The following KCTD17 variants were observed in gnomAD, a reference collection of about 807,000 sequenced individuals.
KCTD17 encodes the protein BTB/POZ domain-containing protein KCTD17.
In KCTD17, 20 loss-of-function variants were observed where a neutral mutation model predicts 41.5. The ratio of observed to expected loss-of-function variants is 0.48; its 90% confidence interval spans 0.34 to 0.70. The LOEUF (loss-of-function observed/expected upper bound fraction) is 0.70. Among genes scored for constraint, KCTD17 ranks in the 30% least tolerant of loss-of-function variants. KCTD17 has a pLI of 0.01. For missense variants in KCTD17, 317 were observed against 427.2 expected (o/e 0.74, Z 2.27); for synonymous variants, 156 against 173.8 (o/e 0.90, Z 0.80).
intron 1 of KCTD17, chr22:37,052,181 T>A: frequency 1.9e-6 from 1 of 521,958 alleles, no homozygotes; most frequent in Non-Finnish European, 3.2e-6. Flanking sequence ...TTAGAAGCTC[T>A]CCAGCCGCCC....
At position 37,053,587 on chromosome 22, in the gene KCTD17, G is replaced by C. The variant is rs1924748133; in HGVS notation, c.298+379G>C. 6.6e-6 allele frequency among the ~76,000 whole-genome samples: 1 copy of C among 152,194 alleles called. No homozygotes were observed. The highest frequency in any genetic ancestry group is 1.5e-5 in the Non-Finnish European group (1 of 68,036). ...CAGGAATGCAGTGTTGACAGGCATGGGGAGAGCTCTGTCTCTCTTTCTCTG... is the reference window on the plus strand; with the variant it reads ...CAGGAATGCAGTGTTGACAGGCATGCGGAGAGCTCTGTCTCTCTTTCTCTG... On this transcript the variant is annotated intron_variant, in intron 2 of 8. Transcript: ENST00000403888. This position sits in a 1 kb window ranked among gnomAD's most constrained non-coding sequence, Gnocchi z 4.1.
chr22:37,061,439 C>G lies in KCTD17; in HGVS notation c.785-100C>G. ...GGGGCGCAGCTGCACCTCCTCTGTG[C>G]CCACTAACCCTGCCGGGCACCTCTG... On this transcript the variant is annotated intron_variant, in intron 7 of 8. Coordinates refer to ENST00000403888, the MANE Select transcript of KCTD17 (RefSeq NM_001282684.2). This position sits in a 1 kb window ranked among gnomAD's most constrained non-coding sequence, Gnocchi z 6.6. The G allele has an allele frequency of 6.7e-7, 1 of 1,498,884 alleles. No homozygotes were observed. Among genetic ancestry groups the G allele is most frequent in the South Asian group, 1.3e-5 (1 of 77,166 alleles). 92.8% of individuals were successfully genotyped at this position (1,498,884 alleles called of 1,614,324 possible).
At chr22:37,058,750 GGT>G (rs1172116833) in intron 4 of KCTD17, among the ~76,000 whole-genome samples, 1 of 152,206 alleles carries the variant, frequency 6.6e-6, no homozygotes, top group Non-Finnish European at 1.5e-5. Context: ...AGAGCCTCTG[GGT>G]GTCTTTGGCA....
chr22:37,060,191 A>C (rs1321169609), intron 5 of KCTD17, among the ~76,000 whole-genome samples: 1 of 152,186 alleles, frequency 6.6e-6, no homozygotes, highest in Non-Finnish European at 1.5e-5. Context: ...GCTGGGAAGA[A>C]GGCAGGCTGC....
chr22:37,062,844 G>T lies in KCTD17; in HGVS notation c.*250G>T. The T allele has an allele frequency of 1.3e-6, 1 of 746,528 alleles. No homozygotes were observed. The highest frequency in any genetic ancestry group is 2.1e-6 in the Non-Finnish European group (1 of 485,852). The allele number at this position is 746,528 out of a possible 1,614,324, so 46.2% of individuals were successfully genotyped here. A position where few individuals can be genotyped will look rare whatever the true frequency, so the allele number is the denominator to read the frequency against. ...CCGGCACCTGCGTCCCCTCTCCCGG[G>T]CTCCCCTGCTGCATGGTGGATGTGC... On this transcript the variant is annotated 3_prime_UTR_variant, in exon 9 of 9. Coordinates refer to ENST00000403888, the MANE Select transcript of KCTD17 (RefSeq NM_001282684.2).
At chr22:37,059,177 C>T (rs1371361331) in intron 4 of KCTD17, 136 bp from the exon 5 acceptor site, 8 of 1,230,292 alleles carry the variant, frequency 6.5e-6, no homozygotes, top group African/African-American at 1.5e-5. Context: ...CCTCTACAAA[C>T]CCAGGAGTGG....
At position 37,061,248 on chromosome 22, in the gene KCTD17, C is replaced by G; in HGVS notation, c.784+73C>G. On this transcript the variant is annotated intron_variant, in intron 7 of 8. Transcript: ENST00000403888. The surrounding 1 kb of genome is among the most constrained non-coding windows in gnomAD (Gnocchi z 6.6). ...GCACCCTGCCTCTTCCCTCTCTGCC[C>G]CTGTCCGGGTTTTCTCTCTGCCTGC... 1 of 1,545,800 alleles carries G rather than the reference C, an allele frequency of 6.5e-7. No individual in the cohort carries two copies. The highest frequency in any genetic ancestry group is 1.2e-5 in the South Asian group (1 of 84,028).
Position 37,061,327 on chromosome 22 carries a change from A to T in KCTD17, c.784+152A>T. ...TCCCAGCCTCCCGTGCCCTCCACCC[A>T]GGCCCCCTGGCCCTGCATCCCAGAG... On this transcript the variant is annotated intron_variant, in intron 7 of 8. Transcript: ENST00000403888. This position sits in a 1 kb window ranked among gnomAD's most constrained non-coding sequence, Gnocchi z 6.6. 6.7e-7 allele frequency: 1 copy of T among 1,496,608 alleles called. No homozygotes were observed. Among genetic ancestry groups the T allele is most frequent in the Non-Finnish European group, 8.9e-7 (1 of 1,124,620 alleles). 92.7% of individuals were successfully genotyped at this position (1,496,608 alleles called of 1,614,324 possible). A position where few individuals can be genotyped will look rare whatever the true frequency, so the allele number is the denominator to read the frequency against.
chr22:37,052,281 G>C, intron 1 of KCTD17: 1 of 384,176 alleles, frequency 2.6e-6, no homozygotes, highest in South Asian at 2.3e-5. Context: ...CCTGCTCTGG[G>C]GAAGGAGTCG....
chr22:37,057,217 G>T (rs1168776856), intron 3 of KCTD17, among the ~76,000 whole-genome samples, 181 bp from the exon 4 acceptor site: 1 of 152,178 alleles, frequency 6.6e-6, no homozygotes, highest in Non-Finnish European at 1.5e-5. Context: ...ATGGTGCCTG[G>T]TAAATGCCTG....
In KCTD17 at chr22:37,063,010, C is replaced by T. The variant is rs148425103; in HGVS notation, c.*416C>T. 926 of 181,208 alleles carry T rather than the reference C, an allele frequency of 5.1e-3. 14 individuals carry two copies. Among genetic ancestry groups the T allele is most frequent in the African/African-American group, 0.021 (885 of 42,526 alleles). The allele number at this position is 181,208 out of a possible 1,614,324, so 11.2% of individuals were successfully genotyped here. ...AGGCCCTCAGGCAGTATATAGGGGCCGCCCACCTTCAGCTGCCCTGGGATG... is the reference window on the plus strand; with the variant it reads ...AGGCCCTCAGGCAGTATATAGGGGCTGCCCACCTTCAGCTGCCCTGGGATG... On this transcript the variant is annotated 3_prime_UTR_variant, in exon 9 of 9. Transcript: ENST00000403888. This position sits in a 1 kb window ranked among gnomAD's most constrained non-coding sequence, Gnocchi z 4.6.
intron 8 of KCTD17, chr22:37,062,164 C>T: frequency 1.0e-6 from 1 of 985,406 alleles, no homozygotes; most frequent in Non-Finnish European, 1.2e-6. Flanking sequence ...GCTTCTTTCG[C>T]CTGGGGCATC....
rs776692919 is a variant in KCTD17, at chr22:37,053,732, G to C, written c.298+524G>C. On this transcript the variant is annotated intron_variant, in intron 2 of 8. Coordinates refer to ENST00000403888, the MANE Select transcript of KCTD17 (RefSeq NM_001282684.2). This position sits in a 1 kb window ranked among gnomAD's most constrained non-coding sequence, Gnocchi z 4.1. ...GCTGGCTGTGGGTGGAGGCAGGAGA[G>C]GGGGGAGTCTGCTTCCCAGTGGGGC... Among the ~76,000 whole-genome samples the C allele has an allele frequency of 1.1e-4, 17 of 152,142 alleles. No individual in the cohort carries two copies. Among genetic ancestry groups the C allele is most frequent in the African/African-American group, 2.7e-4 (11 of 41,400 alleles).
In KCTD17 at chr22:37,053,508, C is replaced by G. The variant is rs1924737619; in HGVS notation, c.298+300C>G. 6.6e-6 allele frequency among the ~76,000 whole-genome samples: 1 copy of G among 152,226 alleles called. No homozygotes were observed. The highest frequency in any genetic ancestry group is 2.4e-5 in the African/African-American group (1 of 41,468). Reference sequence around the variant, plus strand: ...TGCTGTGGGCTGTGACGCCCTTTCTCTCTGGCCTCCTAGGAAGCCAGGTGT... The same window carrying G: ...TGCTGTGGGCTGTGACGCCCTTTCTGTCTGGCCTCCTAGGAAGCCAGGTGT... On this transcript the variant is annotated intron_variant, in intron 2 of 8. Transcript: ENST00000403888. This position sits in a 1 kb window ranked among gnomAD's most constrained non-coding sequence, Gnocchi z 4.1.
chr22:37,061,052 T>A lies in KCTD17; in HGVS notation c.713-52T>A. 1 of 1,551,314 alleles carries A rather than the reference T, an allele frequency of 6.4e-7. No homozygotes were observed. ...GGGCACCAGGGTTAGCTCAGCCACT[T>A]GCCTGGCGCCTCACCCGCATAACCA... On this transcript the variant is annotated intron_variant, in intron 6 of 8. Transcript: ENST00000403888. The surrounding 1 kb of genome is among the most constrained non-coding windows in gnomAD (Gnocchi z 6.6).
At chr22:37,056,603 G>C (rs887181942) in intron 3 of KCTD17, among the ~76,000 whole-genome samples, 192 bp downstream of exon 3, 2 of 152,142 alleles carry the variant, frequency 1.3e-5, no homozygotes, top group Admixed American at 1.3e-4. Context: ...ACTCGGAGAC[G>C]GACACTGGGG....
Position 37,062,929 on chromosome 22 carries a change from AC to A in KCTD17, c.*339del. The A allele has an allele frequency of 5.9e-6, 2 of 340,354 alleles. No homozygotes were observed. Among genetic ancestry groups the A allele is most frequent in the East Asian group, 6.0e-5 (1 of 16,724 alleles). 21.1% of individuals were successfully genotyped at this position (340,354 alleles called of 1,614,324 possible). Reference sequence around the variant, plus strand: ...CTTAGTCCAGGGGGTCACTCCTCCCACCCCACCTACCTCACAGGGTTGTTGT... The same window carrying A: ...CTTAGTCCAGGGGGTCACTCCTCCCACCCACCTACCTCACAGGGTTGTTGT... On this transcript the variant is annotated 3_prime_UTR_variant, in exon 9 of 9. Coordinates refer to ENST00000403888, the MANE Select transcript of KCTD17 (RefSeq NM_001282684.2).
chr22:37,061,288 C>T lies in KCTD17; in HGVS notation c.784+113C>T, dbSNP rs976095533. ...TCTCTGCCTGCTCACGCCTCCATCC[C>T]GGGTCTGCCCTGGTCCCAGCCTCCC... On this transcript the variant is annotated intron_variant, in intron 7 of 8. Coordinates refer to ENST00000403888, the MANE Select transcript of KCTD17 (RefSeq NM_001282684.2). The surrounding 1 kb of genome is among the most constrained non-coding windows in gnomAD (Gnocchi z 6.6). 23 of 1,531,140 alleles carry T rather than the reference C, an allele frequency of 1.5e-5. No individual in the cohort carries two copies. Among genetic ancestry groups the T allele is most frequent in the East Asian group, 4.9e-5 (2 of 40,912 alleles). The allele number at this position is 1,531,140 out of a possible 1,614,324, so 94.8% of individuals were successfully genotyped here. A position where few individuals can be genotyped will look rare whatever the true frequency, so the allele number is the denominator to read the frequency against.
rs35901190 is a variant in KCTD17 at position 37,056,357 on chromosome 22, G to A, written c.336G>A (p.Pro112=). The change falls in exon 3 of 9, where the codon CCG becomes CCA. Residue 112 remains proline (P), a synonymous_variant. Coordinates refer to ENST00000403888, the MANE Select transcript of KCTD17 (RefSeq NM_001282684.2). ...AAGCCGAGTTCTACAACATCGGCCC[G>A]CTGATCCGCATCATCAAAGACCGGA... The part of the protein sequence containing the change: ...LEEAEFYNIG[P]LIRIIKDRME... The A allele has an allele frequency of 5.3e-4, 852 of 1,613,614 alleles. 7 individuals are homozygous for A. The African/African-American group carries it at 0.01, about 19-fold the overall frequency.
Sources: gnomAD v4.1 joint callset for allele counts (sites outside exome capture counted in the v4.1 genomes callset) on GRCh38, gnomAD v4.1.1 for gene constraint, Gnocchi (gnomAD v3.1) non-coding constraint, MANE v1.5 for transcripts, NCBI Gene and HGNC (gene_info 2026-07-23, HGNC 2026-07-21) for gene names.